The following DCC variants were observed in gnomAD, a reference collection of about 807,000 sequenced individuals.
DCC encodes the protein DCC netrin 1 receptor.
DCC carries 58 observed loss-of-function variants against 172.5 expected under a neutral mutation model. The observed-to-expected ratio is 0.34, with a 90% CI of 0.27 to 0.42. DCC has a LOEUF of 0.42. DCC is among the 10% of genes least tolerant of loss of function. The pLI, the probability that DCC is intolerant of heterozygous loss-of-function variation, is 1.00. For synonymous variants in DCC, 709 were observed against 644.5 expected, an observed-to-expected ratio of 1.10 and a Z score of -1.52; for missense variants, 1,740 against 1,791.0, an observed-to-expected ratio of 0.97 and a Z score of 0.51.
intron 1 of DCC, among the ~76,000 whole-genome samples, chr18:52,342,105 T>G (rs1983665019): frequency 6.6e-6 from 1 of 152,058 alleles, no homozygotes; most frequent in African/African-American, 2.4e-5. Flanking sequence ...GAGCAGAAAA[T>G]GCGCCTCTCA....
intron 1 of DCC, among the ~76,000 whole-genome samples, chr18:52,379,718 G>C (rs1231232323): frequency 6.6e-6 from 1 of 152,138 alleles, no homozygotes; most frequent in Admixed American, 6.5e-5. Flanking sequence ...TTAGTTATCA[G>C]GTTCCTGGAT....
chr18:53,300,584 A>C (rs559129522), intron 12 of DCC, among the ~76,000 whole-genome samples: 27 of 152,190 alleles, frequency 1.8e-4, no homozygotes, highest in Non-Finnish European at 3.4e-4. Context: ...GGTATCATTA[A>C]ATAGAAACAC....
At chr18:53,504,790 C>T (rs6508234) in intron 27 of DCC, among the ~76,000 whole-genome samples, 4 of 152,002 alleles carry the variant, frequency 2.6e-5, no homozygotes, top group South Asian at 2.1e-4. Context: ...AGTCATTATG[C>T]GTAAGCCAAG....
At chr18:52,821,324 C>G (rs955841713) in intron 2 of DCC, among the ~76,000 whole-genome samples, 3 of 152,162 alleles carry the variant, frequency 2.0e-5, no homozygotes, top group Non-Finnish European at 4.4e-5. Flanking sequence ...AGGTGTATTC[C>G]TCTCTTCCCC....
intron 2 of DCC, among the ~76,000 whole-genome samples, chr18:52,803,849 T>TA (rs1310945548): frequency 6.6e-6 from 1 of 152,200 alleles, no homozygotes; most frequent in Non-Finnish European, 1.5e-5. Flanking sequence ...ATTAACTAAG[T>TA]AAATGCCAGC....
rs530096002 is a variant in DCC, at chr18:52,562,174, G to A, written c.92-189880G>A. On this transcript the variant is annotated intron_variant, in intron 1 of 28. Transcript: ENST00000442544. The stretch of plus-strand genomic sequence containing the variant: ...GCACAAGTTCACTAAGCTCTCAGAG[G>A]AGGGATACTGAGTATGGCAAAATCA... Among the ~76,000 whole-genome samples the A allele has an allele frequency of 5.3e-5, 8 of 152,262 alleles. No individual in the cohort carries two copies. The East Asian group carries it at 1.5e-3, about 29-fold the overall frequency.
intron 15 of DCC, among the ~76,000 whole-genome samples, chr18:53,354,256 A>G (rs2057850746): frequency 2.0e-5 from 3 of 152,314 alleles, no homozygotes; most frequent in Admixed American, 6.5e-5. Context: ...AGCATGCTTT[A>G]TAATCCTTTG....
At chr18:52,444,225 TA>T in intron 1 of DCC, among the ~76,000 whole-genome samples, 1 of 152,300 alleles carries the variant, frequency 6.6e-6, no homozygotes, top group South Asian at 2.1e-4. Flanking sequence ...AATTCACCTC[TA>T]AAATGAGGTG....
At chr18:52,728,761 C>A (rs1049836630) in intron 1 of DCC, among the ~76,000 whole-genome samples, 1 of 152,172 alleles carries the variant, frequency 6.6e-6, no homozygotes, top group African/African-American at 2.4e-5. Context: ...TGAGGGCCTA[C>A]GGATGAATGA....
At chr18:52,431,116 T>A (rs1987606506) in intron 1 of DCC, among the ~76,000 whole-genome samples, 2 of 152,206 alleles carry the variant, frequency 1.3e-5, no homozygotes, top group Admixed American at 1.3e-4. Context: ...AGTACCATCA[T>A]CACCAGAGAA....
intron 27 of DCC, among the ~76,000 whole-genome samples, chr18:53,502,381 T>C (rs2046112442): frequency 6.6e-6 from 1 of 152,220 alleles, no homozygotes; most frequent in Non-Finnish European, 1.5e-5. Flanking sequence ...AAATAAGTTC[T>C]TCCTGCATTG....
rs115610181 is a variant in DCC, at chr18:53,269,489, A to G, written c.1912-36089A>G. Among the ~76,000 whole-genome samples the G allele has an allele frequency of 4.4e-3, 668 of 152,278 alleles. 5 individuals are homozygous for G. The highest frequency in any genetic ancestry group is 0.015 in the African/African-American group (625 of 41,554). On this transcript the variant is annotated intron_variant, in intron 12 of 28. Coordinates refer to ENST00000442544, the MANE Select transcript of DCC (RefSeq NM_005215.4). Reference sequence around the variant, plus strand: ...ACCTAGATCTTAAGTGAAAAAGTACAGGGGAAAATTATTCTCCTGCATGCA... The same window carrying G: ...ACCTAGATCTTAAGTGAAAAAGTACGGGGGAAAATTATTCTCCTGCATGCA...
At chr18:53,421,640 G>C (rs1167797965) in intron 21 of DCC, among the ~76,000 whole-genome samples, 6 of 152,190 alleles carry the variant, frequency 3.9e-5, no homozygotes, top group African/African-American at 1.2e-4. Flanking sequence ...CACTGGAATG[G>C]AATTAGATAC....
At chr18:52,576,850 T>G (rs373070515) in intron 1 of DCC, among the ~76,000 whole-genome samples, 17 of 144,148 alleles carry the variant, frequency 1.2e-4, no homozygotes, top group African/African-American at 3.1e-4. Flanking sequence ...AAAAAGAAAA[T>G]AATGTAGTTT....
At chr18:52,714,537 A>G (rs139172931) in intron 1 of DCC, among the ~76,000 whole-genome samples, 2 of 152,226 alleles carry the variant, frequency 1.3e-5, no homozygotes, top group Non-Finnish European at 2.9e-5. Context: ...AGGAACTGCT[A>G]TATTGGGAAA....
In DCC at chr18:53,282,878, G is replaced by C. The variant is rs2056889834; in HGVS notation, c.1912-22700G>C. On this transcript the variant is annotated intron_variant, in intron 12 of 28. Coordinates refer to ENST00000442544, the MANE Select transcript of DCC (RefSeq NM_005215.4). ...AAATTTTAAAGGCCTGCACTAAATG[G>C]CCCTAGTCATTAATCCTAGAAAAAA... Among the ~76,000 whole-genome samples the C allele has an allele frequency of 2.0e-5, 3 of 152,068 alleles. No individual in the cohort carries two copies. In the South Asian group the frequency reaches 6.2e-4, roughly 32 times the overall value.
intron 25 of DCC, among the ~76,000 whole-genome samples, chr18:53,468,451 T>G (rs1357605453): frequency 6.6e-6 from 1 of 151,542 alleles, no homozygotes; most frequent in East Asian, 1.9e-4. Flanking sequence ...GGCACAATCT[T>G]GGCTCACTGC....
chr18:52,517,313 A>C lies in DCC; in HGVS notation c.91+176435A>C, dbSNP rs796974502. Among the ~76,000 whole-genome samples the C allele has an allele frequency of 3.9e-5, 6 of 152,362 alleles. No homozygotes were observed. The East Asian group carries it at 5.8e-4, about 15-fold the overall frequency. ...TGCGGTGGTATTTGCCAGTTCAGAG[A>C]CCACTAGTTTAAAGAATAAAGCCAT... On this transcript the variant is annotated intron_variant, in intron 1 of 28. Transcript: ENST00000442544.
At chr18:53,312,942 G>GAGGGGAGGGGAGGGAAGGGAAAGGA (rs2057294448) in intron 13 of DCC, among the ~76,000 whole-genome samples, 1 of 121,712 alleles carries the variant, frequency 8.2e-6, no homozygotes, top group Non-Finnish European at 1.8e-5. Context: ...AAGGGAAAGG[G>GAGGGGAGGGGAGGGAAGGGAAAGGA]AGGGGAGGGA....
Sources: gnomAD v4.1 joint callset for allele counts (sites outside exome capture counted in the v4.1 genomes callset) on GRCh38, gnomAD v4.1.1 for gene constraint, MANE v1.5 for transcripts, NCBI Gene and HGNC (gene_info 2026-07-23, HGNC 2026-07-21) for gene names.